DIS3L2: variants seen among roughly 807,000 people sequenced by gnomAD.
The protein encoded by DIS3L2 is DIS3-like exonuclease 2.
In DIS3L2, 34 loss-of-function variants were observed where a neutral mutation model predicts 97.5. That is an observed-to-expected ratio of 0.35 (90% CI 0.27 to 0.46). The LOEUF is 0.46. DIS3L2 is among the 20% of genes least tolerant of loss of function. The pLI is 1.00. For missense variants in DIS3L2, 1,038 were observed against 1,146.0 expected (o/e 0.91, Z 1.36); for synonymous variants, 435 against 445.2 (o/e 0.98, Z 0.29).
chr2:232,257,770 A>G (rs1172260224), intron 12 of DIS3L2, among the ~76,000 whole-genome samples: 1 of 152,246 alleles, frequency 6.6e-6, no homozygotes, highest in Admixed American at 6.5e-5. Context: ...TTTCAAAGGA[A>G]GTGGTCATAC....
intron 3 of DIS3L2, among the ~76,000 whole-genome samples, chr2:232,020,028 C>T (rs949037925): frequency 1.3e-5 from 2 of 151,810 alleles, no homozygotes; most frequent in African/African-American, 2.4e-5. Flanking sequence ...GTGGATAGCT[C>T]AGCTAGTAGA....
intron 10 of DIS3L2, among the ~76,000 whole-genome samples, chr2:232,236,448 A>G (rs977481047): frequency 6.6e-6 from 1 of 152,208 alleles, no homozygotes; most frequent in Non-Finnish European, 1.5e-5. Context: ...CCACAGGTAG[A>G]CTAGTTTCAG....
intron 1 of DIS3L2, among the ~76,000 whole-genome samples, chr2:231,985,184 A>G (rs1693375315): frequency 6.6e-6 from 1 of 152,222 alleles, no homozygotes; most frequent in South Asian, 2.1e-4. Context: ...CAGTCAAGAT[A>G]AAGAAGAGTT....
At chr2:232,030,173 C>T (rs1393684664) in intron 5 of DIS3L2, 93 bp downstream of exon 5, 1 of 1,076,764 alleles carries the variant, frequency 9.3e-7, no homozygotes, top group Non-Finnish European at 1.4e-6. Flanking sequence ...GGAGGAGTCA[C>T]AGACCCCTTA....
At chr2:232,010,522 T>C (rs959497780) in intron 1 of DIS3L2, among the ~76,000 whole-genome samples, 5 of 152,176 alleles carry the variant, frequency 3.3e-5, no homozygotes, top group African/African-American at 7.2e-5. Flanking sequence ...AATTTTGCCC[T>C]CTTTTTTTTT....
chr2:231,973,728 A>G (rs150455327), intron 1 of DIS3L2, among the ~76,000 whole-genome samples: 36 of 152,266 alleles, frequency 2.4e-4, no homozygotes, highest in African/African-American at 7.7e-4. Context: ...TACAAGCTGC[A>G]ACTCGGGCTA....
intron 5 of DIS3L2, among the ~76,000 whole-genome samples, chr2:232,032,725 C>T (rs1694835372): frequency 6.6e-6 from 1 of 152,174 alleles, no homozygotes; most frequent in Non-Finnish European, 1.5e-5. Context: ...CTAGTTTTCC[C>T]AGCACCATTT....
intron 9 of DIS3L2, among the ~76,000 whole-genome samples, chr2:232,182,070 C>T (rs1691296700): frequency 6.6e-6 from 1 of 152,196 alleles, no homozygotes; most frequent in African/African-American, 2.4e-5. Context: ...GCATTTACAG[C>T]TACTCCCTCC....
intron 6 of DIS3L2, among the ~76,000 whole-genome samples, chr2:232,091,441 C>T (rs933107979): frequency 2.0e-5 from 3 of 152,170 alleles, no homozygotes; most frequent in African/African-American, 4.8e-5. Context: ...CTTCACTTAA[C>T]ATAATGACCT....
At chr2:232,165,346 T>C (rs996407187) in intron 9 of DIS3L2, among the ~76,000 whole-genome samples, 44 of 152,196 alleles carry the variant, frequency 2.9e-4, no homozygotes, top group Non-Finnish European at 5.3e-4. Flanking sequence ...TACATAAATA[T>C]ACACATATAC....
chr2:232,076,204 A>G (rs1696180413), intron 5 of DIS3L2, among the ~76,000 whole-genome samples: 1 of 152,078 alleles, frequency 6.6e-6, no homozygotes, highest in Admixed American at 6.5e-5. Flanking sequence ...GAGAATTTGC[A>G]TTTTCTTATC....
intron 5 of DIS3L2, among the ~76,000 whole-genome samples, chr2:232,036,835 G>T (rs1397761608): frequency 6.6e-6 from 1 of 152,160 alleles, no homozygotes; most frequent in Non-Finnish European, 1.5e-5. Context: ...CTGTTTGCTT[G>T]GGTATCATCA....
intron 5 of DIS3L2, among the ~76,000 whole-genome samples, chr2:232,063,087 T>C (rs1174847466): frequency 6.6e-6 from 1 of 152,206 alleles, no homozygotes; most frequent in Non-Finnish European, 1.5e-5. Context: ...GTCACCTGCT[T>C]CACTCCAGGC....
intron 17 of DIS3L2, 24 bp from the exon 18 acceptor site, chr2:232,334,345 T>C: frequency 6.2e-7 from 1 of 1,611,142 alleles, no homozygotes; most frequent in Non-Finnish European, 8.5e-7. Context: ...GCTCCCACTC[T>C]CATGCCTCAC....
chr2:232,029,754 G>A (rs1485361414), intron 4 of DIS3L2, among the ~76,000 whole-genome samples: 1 of 151,858 alleles, frequency 6.6e-6, no homozygotes, highest in African/African-American at 2.4e-5. Flanking sequence ...GAGATTATAT[G>A]TTGTTCCTCT....
In DIS3L2 at chr2:232,277,503, A is replaced by G. The variant is rs537094274; in HGVS notation, c.1659+14063A>G. On this transcript the variant is annotated intron_variant, in intron 13 of 20. Transcript: ENST00000325385. ...GGAAATTAACTTTTTTTTCTGTGCT[A>G]CTTTTCTCTTTCTTACTACCTTTTA... Among the ~76,000 whole-genome samples the G allele has an allele frequency of 9.9e-5, 15 of 152,216 alleles. 2 individuals are homozygous for G. Among genetic ancestry groups the G allele is most frequent in the African/African-American group, 3.6e-4 (15 of 41,562 alleles).
At chr2:232,335,745 G>C (rs911563587) in intron 19 of DIS3L2, 28 bp from the exon 20 acceptor site, 1 of 1,546,904 alleles carries the variant, frequency 6.5e-7, no homozygotes, top group African/African-American at 1.4e-5. Context: ...CCAGAGCTGA[G>C]GCCTGAGGCT....
At chr2:232,144,674 C>T (rs1193047227) in intron 8 of DIS3L2, among the ~76,000 whole-genome samples, 1 of 152,098 alleles carries the variant, frequency 6.6e-6, no homozygotes, top group East Asian at 1.9e-4. Flanking sequence ...ATCACTATTT[C>T]CACTAACATT....
At chr2:232,167,460 T>C (rs943479766) in intron 9 of DIS3L2, among the ~76,000 whole-genome samples, 17 of 152,192 alleles carry the variant, frequency 1.1e-4, no homozygotes, top group Admixed American at 8.5e-4. Flanking sequence ...ACTAATAATA[T>C]GGAAATTCAG....
Sources: gnomAD v4.1 joint callset for allele counts (sites outside exome capture counted in the v4.1 genomes callset) on GRCh38, gnomAD v4.1.1 for gene constraint, MANE v1.5 for transcripts, NCBI Gene and HGNC (gene_info 2026-07-23, HGNC 2026-07-21) for gene names.